SYNPR: variants seen among roughly 807,000 people sequenced by gnomAD.
SYNPR encodes synaptoporin.
A neutral mutation model predicts 32.9 loss-of-function variants in SYNPR; 23 were observed. The ratio of observed to expected loss-of-function variants is 0.70; its 90% confidence interval spans 0.50 to 0.99. The LOEUF (loss-of-function observed/expected upper bound fraction) is 0.99, where lower values mean the gene tolerates loss of function less well. Ranked by LOEUF, SYNPR falls within the 50% of genes least tolerant of loss-of-function variation. SYNPR has a pLI of 0.00. For synonymous variants in SYNPR, 146 were observed against 135.9 expected (o/e 1.07, Z -0.52); for missense variants, 318 against 349.3 (o/e 0.91, Z 0.71).
rs369298687 is a variant in SYNPR at position 63,539,915 on chromosome 3, G to A, written c.210-16628G>A. 3.5e-4 allele frequency among the ~76,000 whole-genome samples: 54 copies of A among 152,182 alleles called. 1 individual carries two copies. In the South Asian group the frequency reaches 5.8e-3, roughly 16 times the overall value. ...GACTTCCACCCTCCAGGGTTTTAGG[G>A]CTGAATCCAAAAATGTTAACTTTCC... On this transcript the variant is annotated intron_variant, in intron 3 of 5. Transcript: ENST00000478300.
At chr3:63,422,649 A>C (rs1699821257) in intron 2 of SYNPR, among the ~76,000 whole-genome samples, 1 of 152,220 alleles carries the variant, frequency 6.6e-6, no homozygotes, top group Non-Finnish European at 1.5e-5. Flanking sequence ...AAATATTGAA[A>C]GTCTAAAAGT....
At chr3:63,477,178 C>A (rs1700944070) in intron 2 of SYNPR, among the ~76,000 whole-genome samples, 1 of 152,148 alleles carries the variant, frequency 6.6e-6, no homozygotes, top group South Asian at 2.1e-4. Flanking sequence ...CCCTCCCACT[C>A]TTTCAAGGCA....
chr3:63,406,964 C>A (rs1376840950), intron 2 of SYNPR, among the ~76,000 whole-genome samples: 1 of 152,184 alleles, frequency 6.6e-6, no homozygotes, highest in Non-Finnish European at 1.5e-5. Flanking sequence ...GGAATATTAG[C>A]TCGCCTGTGA....
intron 3 of SYNPR, among the ~76,000 whole-genome samples, chr3:63,551,644 T>A (rs1702501732): frequency 6.6e-6 from 1 of 152,230 alleles, no homozygotes; most frequent in Admixed American, 6.5e-5. Flanking sequence ...AAGTAGTATC[T>A]CATTGTGCTT....
intron 2 of SYNPR, among the ~76,000 whole-genome samples, chr3:63,285,329 T>G (rs532863056): frequency 5.9e-5 from 9 of 152,114 alleles, no homozygotes; most frequent in Admixed American, 2.6e-4. Context: ...AGACTTCGAT[T>G]ACAAAGGCAA....
At chr3:63,263,914 C>A (rs2086460062) in intron 2 of SYNPR, among the ~76,000 whole-genome samples, 1 of 152,200 alleles carries the variant, frequency 6.6e-6, no homozygotes, top group East Asian at 1.9e-4. Flanking sequence ...AAGTGTCATA[C>A]AATTTTGGGG....
chr3:63,531,768 C>T (rs1334640860), intron 3 of SYNPR, among the ~76,000 whole-genome samples: 1 of 152,150 alleles, frequency 6.6e-6, no homozygotes, highest in Non-Finnish European at 1.5e-5. Flanking sequence ...AGACCCTCTA[C>T]CTTTTCCATA....
intron 2 of SYNPR, among the ~76,000 whole-genome samples, chr3:63,265,742 A>AAAG (rs755908776): frequency 6.1e-4 from 93 of 152,218 alleles, no homozygotes; most frequent in Non-Finnish European, 6.8e-4. Context: ...AAATTTATTC[A>AAAG]TCACTAGACT....
chr3:63,464,464 CT>C (rs1054845270), intron 2 of SYNPR, among the ~76,000 whole-genome samples: 2 of 152,166 alleles, frequency 1.3e-5, no homozygotes, highest in Non-Finnish European at 2.9e-5. Flanking sequence ...AGGTATTCCA[CT>C]TTTTTTCTAC....
intron 2 of SYNPR, among the ~76,000 whole-genome samples, chr3:63,303,923 C>T (rs2086881996): frequency 6.6e-6 from 1 of 151,960 alleles, no homozygotes; most frequent in Non-Finnish European, 1.5e-5. Context: ...ATGAAACCCT[C>T]CAAGTGGATA....
intron 2 of SYNPR, among the ~76,000 whole-genome samples, chr3:63,258,172 A>G (rs1252146135): frequency 2.0e-5 from 3 of 152,254 alleles, no homozygotes; most frequent in African/African-American, 7.2e-5. Flanking sequence ...CAAGACAGAA[A>G]GTTAACAAGG....
At position 63,324,993 on chromosome 3, in the gene SYNPR, T is replaced by C. The variant is rs545996136; in HGVS notation, c.84+46251T>C. On this transcript the variant is annotated intron_variant, in intron 2 of 5. Transcript: ENST00000478300. ...CAAGGCATTTTTCCCTCATAATGCC[T>C]CAGTTACACTAACTCAGGTTGAGAA... Among the ~76,000 whole-genome samples the C allele has an allele frequency of 7.2e-5, 11 of 152,234 alleles. No individual in the cohort carries two copies. The South Asian group carries it at 2.3e-3, about 32-fold the overall frequency.
rs571267245 is a variant in SYNPR at position 63,455,686 on chromosome 3, T to C, written c.85-25146T>C. ...GTTGACAAGTATGGTTGAAGATTAT[T>C]AGTTAAATAAGCCTAAAAAAGTCCC... On this transcript the variant is annotated intron_variant, in intron 2 of 5. Coordinates refer to ENST00000478300, the MANE Select transcript of SYNPR (RefSeq NM_001130003.2). Among the ~76,000 whole-genome samples, 7 of 151,996 alleles carry C rather than the reference T, an allele frequency of 4.6e-5. No homozygotes were observed. In the South Asian group the frequency reaches 1.5e-3, roughly 32 times the overall value.
intron 2 of SYNPR, among the ~76,000 whole-genome samples, chr3:63,380,227 G>C (rs1414826969): frequency 6.6e-6 from 1 of 152,142 alleles, no homozygotes; most frequent in African/African-American, 2.4e-5. Flanking sequence ...TGGCTCAAAC[G>C]GTATTTCTAG....
At chr3:63,459,752 T>A (rs547706391) in intron 2 of SYNPR, among the ~76,000 whole-genome samples, 65 of 152,168 alleles carry the variant, frequency 4.3e-4, no homozygotes, top group African/African-American at 1.3e-3. Context: ...CGGAAAGGAA[T>A]ATGGGTCCCT....
chr3:63,206,890 G>C, the SYNPR span, among the ~76,000 whole-genome samples: 2 of 152,196 alleles, frequency 1.3e-5, no homozygotes, highest in Admixed American at 6.5e-5. Context: ...AGGGTTATGA[G>C]AATCTGGGGC....
chr3:63,575,290 G>A (rs1017774766), intron 4 of SYNPR, among the ~76,000 whole-genome samples: 2 of 152,034 alleles, frequency 1.3e-5, no homozygotes, highest in African/African-American at 4.8e-5. Context: ...CCCACCCTCT[G>A]CCAACAGCAA....
At chr3:63,424,803 T>C (rs1041247611) in intron 2 of SYNPR, among the ~76,000 whole-genome samples, 8 of 152,178 alleles carry the variant, frequency 5.3e-5, no homozygotes, top group African/African-American at 1.7e-4. Context: ...GAATTTTCCT[T>C]ACCACTCTTC....
At chr3:63,211,655 G>C in the SYNPR span, among the ~76,000 whole-genome samples, 5 of 151,956 alleles carry the variant, frequency 3.3e-5, no homozygotes, top group East Asian at 7.8e-4. Context: ...CCCAGGGTCT[G>C]TAATGAAGCA....
Sources: allele counts gnomAD v4.1 joint callset (sites outside exome capture counted in the v4.1 genomes callset), GRCh38; gene constraint gnomAD v4.1.1; transcripts MANE v1.5; gene names NCBI Gene and HGNC (gene_info 2026-07-23, HGNC 2026-07-21).